PTPRM: variants seen among roughly 807,000 people sequenced by gnomAD.
PTPRM encodes the protein protein tyrosine phosphatase receptor type M.
PTPRM carries 47 observed loss-of-function variants against 186.7 expected under a neutral mutation model. The ratio of observed to expected loss-of-function variants is 0.25; its 90% confidence interval spans 0.20 to 0.32. The LOEUF is 0.32. Among genes scored for constraint, PTPRM ranks in the 10% least tolerant of loss-of-function variants. PTPRM has a pLI of 1.00. For missense variants in PTPRM, 1,494 were observed against 1,865.0 expected, an observed-to-expected ratio of 0.80 and a Z score of 3.66; for synonymous variants, 668 against 674.9, an observed-to-expected ratio of 0.99 and a Z score of 0.16.
chr18:8,303,338 G>A (rs73396029), intron 20 of PTPRM, among the ~76,000 whole-genome samples: 9 of 152,266 alleles, frequency 5.9e-5, no homozygotes, highest in South Asian at 4.1e-4. Flanking sequence ...ACTAATCAGT[G>A]ACTGGAGCTT....
intron 7 of PTPRM, among the ~76,000 whole-genome samples, chr18:8,016,120 G>A (rs1050897264): frequency 6.6e-6 from 1 of 152,172 alleles, no homozygotes; most frequent in Non-Finnish European, 1.5e-5. Flanking sequence ...TGGATACACA[G>A]GAAGAAGCAA....
At chr18:8,322,904 C>G (rs147800667) in intron 22 of PTPRM, among the ~76,000 whole-genome samples, 2 of 152,236 alleles carry the variant, frequency 1.3e-5, no homozygotes, top group East Asian at 1.9e-4. Context: ...ACTGAAGCAT[C>G]GAACTCCTGG....
intron 1 of PTPRM, among the ~76,000 whole-genome samples, chr18:7,719,580 T>C (rs1440102342): frequency 2.0e-5 from 3 of 152,150 alleles, no homozygotes; most frequent in Admixed American, 1.3e-4. Flanking sequence ...CTTAATAAAA[T>C]AGTAATTGTT....
intron 2 of PTPRM, among the ~76,000 whole-genome samples, chr18:7,823,354 G>A (rs899601501): frequency 2.0e-5 from 3 of 152,196 alleles, no homozygotes; most frequent in South Asian, 2.1e-4. Context: ...CATTTCACAC[G>A]TTTAGTTCCA....
At chr18:7,690,795 C>T (rs1047472609) in intron 1 of PTPRM, among the ~76,000 whole-genome samples, 1 of 152,128 alleles carries the variant, frequency 6.6e-6, no homozygotes, top group Non-Finnish European at 1.5e-5. Flanking sequence ...CAGGGAAAGC[C>T]TAACATTTCT....
chr18:7,585,524 G>T (rs570749058), intron 1 of PTPRM, among the ~76,000 whole-genome samples: 1 of 152,316 alleles, frequency 6.6e-6, no homozygotes, highest in East Asian at 1.9e-4. Context: ...CCAGAGGTTG[G>T]AAAAGTGTTG....
At chr18:8,134,455 C>T (rs1489424527) in intron 13 of PTPRM, among the ~76,000 whole-genome samples, 2 of 152,160 alleles carry the variant, frequency 1.3e-5, no homozygotes, top group African/African-American at 4.8e-5. Flanking sequence ...ATAAATGACC[C>T]TAGTTCCTTT....
chr18:7,871,140 T>G (rs2047965004), intron 2 of PTPRM, among the ~76,000 whole-genome samples: 1 of 152,252 alleles, frequency 6.6e-6, no homozygotes, highest in Admixed American at 6.5e-5. Context: ...ACAATAACTG[T>G]GGACATGCTG....
intron 7 of PTPRM, among the ~76,000 whole-genome samples, chr18:8,051,759 T>C (rs190112676): frequency 6.6e-6 from 1 of 152,324 alleles, no homozygotes; most frequent in Admixed American, 6.5e-5. Flanking sequence ...CTTGCTTTTC[T>C]TTTTTATTCT....
intron 2 of PTPRM, among the ~76,000 whole-genome samples, chr18:7,854,731 G>GTT (rs10541123): frequency 9.2e-5 from 13 of 141,970 alleles, no homozygotes; most frequent in South Asian, 2.3e-4. Flanking sequence ...AATGTTAGGA[G>GTT]TTTTTTTTTT....
At chr18:7,689,419 TCTTTGAGGTGG>T (rs1223206991) in intron 1 of PTPRM, among the ~76,000 whole-genome samples, 2 of 152,180 alleles carry the variant, frequency 1.3e-5, no homozygotes, top group Non-Finnish European at 2.9e-5. Flanking sequence ...ACCCCATGTC[TCTTTGAGGTGG>T]CTTTTGGATT....
At chr18:7,569,081 T>A (rs960991134) in intron 1 of PTPRM, among the ~76,000 whole-genome samples, 3 of 152,202 alleles carry the variant, frequency 2.0e-5, no homozygotes, top group African/African-American at 7.2e-5. Context: ...ATGAGTAAGT[T>A]GGGCTTTTTA....
At chr18:8,394,664 C>G in intron 32 of PTPRM, 53 bp downstream of exon 32, 3 of 1,489,486 alleles carry the variant, frequency 2.0e-6, no homozygotes, top group Non-Finnish European at 2.7e-6. Context: ...GCATTAGAAT[C>G]CACTCCAGCT....
intron 22 of PTPRM, among the ~76,000 whole-genome samples, chr18:8,324,324 T>C (rs2095363000): frequency 6.6e-6 from 1 of 152,188 alleles, no homozygotes; most frequent in Non-Finnish European, 1.5e-5. Context: ...GTTTTACGGT[T>C]CATCTCAGGC....
At position 7,969,523 on chromosome 18, in the gene PTPRM, G is replaced by A. The variant is rs146327781; in HGVS notation, c.1132+14109G>A. On this transcript the variant is annotated intron_variant, in intron 7 of 32. Transcript: ENST00000580170. The stretch of plus-strand genomic sequence containing the variant: ...AAAAAATCAATGAATCCAGGAGCTT[G>A]TTTTTTGAAAGGTTCAACAAAATTG... Among the ~76,000 whole-genome samples, 539 of 149,858 alleles carry A rather than the reference G, an allele frequency of 3.6e-3. 24 individuals are homozygous for A. Among genetic ancestry groups the A allele is most frequent in the African/African-American group, 0.013 (503 of 39,756 alleles).
At position 8,076,441 on chromosome 18, in the gene PTPRM, C is replaced by T. The variant is rs748514481; in HGVS notation, c.1442-14C>T. On this transcript the variant is annotated splice_polypyrimidine_tract_variant and intron_variant, in intron 8 of 32. Coordinates refer to ENST00000580170, the MANE Select transcript of PTPRM (RefSeq NM_001105244.2). ...TTATTACTTAAACATTTATTTCCTC[C>T]CACCCTCCTTTAGTCCCAGGTGCTG... The T allele has an allele frequency of 3.8e-5, 55 of 1,442,852 alleles. No individual in the cohort carries two copies. The highest frequency in any genetic ancestry group is 5.2e-5 in the Non-Finnish European group (54 of 1,030,162). 89.4% of individuals were successfully genotyped at this position (1,442,852 alleles called of 1,614,324 possible). A position where few individuals can be genotyped will look rare whatever the true frequency, so the allele number is the denominator to read the frequency against.
chr18:8,121,827 G>A (rs970027578), intron 13 of PTPRM: 1 of 152,110 alleles, frequency 6.6e-6, no homozygotes, highest in Non-Finnish European at 1.5e-5. Context: ...AACCTAATAC[G>A]TTCTAAAAGC....
chr18:7,743,326 A>C (rs2040920644), intron 1 of PTPRM, among the ~76,000 whole-genome samples: 1 of 152,238 alleles, frequency 6.6e-6, no homozygotes, highest in South Asian at 2.1e-4. Context: ...ACAGTGTATC[A>C]TGTTACATAC....
chr18:7,721,680 T>A (rs961056828), intron 1 of PTPRM, among the ~76,000 whole-genome samples: 5 of 152,146 alleles, frequency 3.3e-5, no homozygotes, highest in African/African-American at 1.2e-4. Flanking sequence ...TCCAGTTTAT[T>A]CAGTACCGTT....
Sources: allele counts gnomAD v4.1 joint callset (sites outside exome capture counted in the v4.1 genomes callset), GRCh38; gene constraint gnomAD v4.1.1; transcripts MANE v1.5; gene names NCBI Gene and HGNC (gene_info 2026-07-23, HGNC 2026-07-21).